CA8: variants seen among roughly 807,000 people sequenced by gnomAD.
The protein encoded by CA8 is carbonic anhydrase 8 (inactive).
A neutral mutation model predicts 41.4 loss-of-function variants in CA8; 22 were observed. The observed-to-expected ratio is 0.53, with a 90% CI of 0.38 to 0.76. The LOEUF (loss-of-function observed/expected upper bound fraction) is 0.76, where lower values mean the gene tolerates loss of function less well. Ranked by LOEUF, CA8 falls within the 30% of genes least tolerant of loss-of-function variation. The pLI is 0.00. For missense variants in CA8, 270 were observed against 352.8 expected (o/e 0.77, Z 1.88); for synonymous variants, 121 against 130.6 (o/e 0.93, Z 0.50).
intron 7 of CA8, among the ~76,000 whole-genome samples, chr8:60,211,154 G>A (rs889236834): frequency 6.6e-6 from 1 of 152,136 alleles, no homozygotes; most frequent in Non-Finnish European, 1.5e-5. Flanking sequence ...AATAATAACA[G>A]TATTCACAAG....
chr8:60,189,561 C>T lies in CA8; in HGVS notation c.*460G>A, dbSNP rs1806054917. ...AGCTCTATGCTGTTCTTAATCAAAA[C>T]TCTTATTTTATTATCAAGAATTACA... is the stretch of plus-strand genomic sequence containing the variant. On this transcript the variant is annotated 3_prime_UTR_variant, in exon 9 of 9. Transcript: ENST00000317995. The T allele has an allele frequency of 6.6e-6, 1 of 152,074 alleles. No homozygotes were observed. The highest frequency in any genetic ancestry group is 6.6e-5 in the Admixed American group (1 of 15,254). 9.4% of individuals were successfully genotyped at this position (152,074 alleles called of 1,614,324 possible).
intron 2 of CA8, among the ~76,000 whole-genome samples, chr8:60,268,194 G>A (rs1028011038): frequency 2.6e-5 from 4 of 152,244 alleles, no homozygotes; most frequent in East Asian, 1.9e-4. Flanking sequence ...TCAGCTCCAC[G>A]TGGCTAAGGA....
chr8:60,279,642 G>A (rs369675880), intron 2 of CA8, 47 bp downstream of exon 2: 5 of 1,499,012 alleles, frequency 3.3e-6, no homozygotes, highest in African/African-American at 1.4e-5. Context: ...ATAACTCTAC[G>A]CTGACTTCTA....
intron 8 of CA8, among the ~76,000 whole-genome samples, chr8:60,200,212 G>A (rs1806383947): frequency 6.6e-6 from 1 of 152,208 alleles, no homozygotes; most frequent in Non-Finnish European, 1.5e-5. Context: ...AAACCTGCTG[G>A]TGCCTTGATC....
At chr8:60,256,065 G>A (rs1285189369) in intron 3 of CA8, among the ~76,000 whole-genome samples, 1 of 151,734 alleles carries the variant, frequency 6.6e-6, no homozygotes, top group African/African-American at 2.4e-5. Flanking sequence ...GTGCCTATAT[G>A]CCCGGCTAAT....
intron 7 of CA8, 28 bp downstream of exon 7, chr8:60,222,621 T>C (rs765144644): frequency 1.5e-6 from 2 of 1,357,812 alleles, no homozygotes; most frequent in Non-Finnish European, 1.1e-6. Flanking sequence ...AGAACTTCAC[T>C]CTGAAAGATT....
chr8:60,192,947 A>ACACACG (rs1806173528), intron 8 of CA8, among the ~76,000 whole-genome samples: 1 of 150,808 alleles, frequency 6.6e-6, no homozygotes, highest in African/African-American at 2.4e-5. Context: ...GCACACACAC[A>ACACACG]CACACACACA....
chr8:60,261,421 T>A (rs1053021328), intron 3 of CA8, among the ~76,000 whole-genome samples: 5 of 152,174 alleles, frequency 3.3e-5, no homozygotes, highest in African/African-American at 1.2e-4. Flanking sequence ...TTTTGGCAAT[T>A]CACTCTTCAA....
At chr8:60,190,925 GCA>G (rs143434754) in intron 8 of CA8, among the ~76,000 whole-genome samples, 2 of 88,850 alleles carry the variant, frequency 2.3e-5, no homozygotes, top group African/African-American at 4.4e-5. Context: ...GGACACACCT[GCA>G]CACACACACA....
intron 7 of CA8, among the ~76,000 whole-genome samples, chr8:60,218,121 C>T (rs1483938820): frequency 6.6e-6 from 1 of 152,176 alleles, no homozygotes; most frequent in African/African-American, 2.4e-5. Flanking sequence ...GGCCTCCCTG[C>T]CAGACACAAG....
intron 3 of CA8, among the ~76,000 whole-genome samples, chr8:60,255,972 G>A (rs1808621857): frequency 6.7e-6 from 1 of 150,114 alleles, no homozygotes; most frequent in Non-Finnish European, 1.5e-5. Flanking sequence ...GCAATGATGC[G>A]ATCTCAGGCC....
At chr8:60,255,635 C>A (rs537154219) in intron 3 of CA8, among the ~76,000 whole-genome samples, 1 of 152,238 alleles carries the variant, frequency 6.6e-6, no homozygotes, top group Admixed American at 6.5e-5. Flanking sequence ...AAGGGTCTAC[C>A]TTTCATTTGT....
At chr8:60,240,729 C>A (rs1807995214) in intron 3 of CA8, among the ~76,000 whole-genome samples, 1 of 110,626 alleles carries the variant, frequency 9.0e-6, no homozygotes, top group South Asian at 2.6e-4. Flanking sequence ...CTTCCTCAGC[C>A]CCCAAAAAAT....
intron 3 of CA8, among the ~76,000 whole-genome samples, chr8:60,255,302 C>T (rs1013439065): frequency 2.0e-5 from 3 of 147,208 alleles, no homozygotes; most frequent in African/African-American, 7.4e-5. Flanking sequence ...ACTCTTCTCT[C>T]GAATTAAGCT....
At chr8:60,219,348 A>C in intron 7 of CA8, among the ~76,000 whole-genome samples, 1 of 151,878 alleles carries the variant, frequency 6.6e-6, no homozygotes, top group Non-Finnish European at 1.5e-5. Flanking sequence ...AGTAGAGATA[A>C]GGTTTCACCA....
chr8:60,208,744 A>T lies in CA8; in HGVS notation c.*35+6T>A. 6.2e-7 allele frequency: 1 copy of T among 1,613,312 alleles called. No homozygotes were observed. Among genetic ancestry groups the T allele is most frequent in the Non-Finnish European group, 8.5e-7 (1 of 1,179,296 alleles). The stretch of plus-strand genomic sequence containing the variant: ...ACCTCATTTTCCTTACTTAATCTGG[A>T]CATACCCTCATGAAGACAGACTTGT... On this transcript the variant is annotated splice_donor_region_variant and intron_variant, in intron 8 of 8. Coordinates refer to ENST00000317995, the MANE Select transcript of CA8 (RefSeq NM_004056.6).
At position 60,279,966 on chromosome 8, in the gene CA8, C is replaced by G. The variant is rs144653268; in HGVS notation, c.101-86G>C. 6.7e-4 allele frequency: 723 copies of G among 1,079,812 alleles called. 3 individuals carry two copies. The East Asian group carries it at 0.015, about 23-fold the overall frequency. The allele number at this position is 1,079,812 out of a possible 1,614,324, so 66.9% of individuals were successfully genotyped here. On this transcript the variant is annotated intron_variant, in intron 1 of 8. Coordinates refer to ENST00000317995, the MANE Select transcript of CA8 (RefSeq NM_004056.6). ...CATGTAAAAACTAAACACTTAGAAC[C>G]CTTGATATCATGAAGAGAGTAATGA... is the stretch of plus-strand genomic sequence containing the variant.
At chr8:60,201,872 A>G (rs902953517) in intron 8 of CA8, among the ~76,000 whole-genome samples, 1 of 152,214 alleles carries the variant, frequency 6.6e-6, no homozygotes, top group Non-Finnish European at 1.5e-5. Flanking sequence ...TGCAACTATA[A>G]TCATCTCCTT....
chr8:60,188,103 A>G lies in CA8; in HGVS notation c.*1918T>C, dbSNP rs568489538. 2 of 152,366 alleles carry G rather than the reference A, an allele frequency of 1.3e-5. No homozygotes were observed. The highest frequency in any genetic ancestry group is 2.9e-5 in the Non-Finnish European group (2 of 68,040). The allele number at this position is 152,366 out of a possible 1,614,324, so 9.4% of individuals were successfully genotyped here. ...ATGGACACCATGATCTGAACCAAGT[A>G]GTTCATTTCAGTCTTTTACTCAGAA... On this transcript the variant is annotated 3_prime_UTR_variant, in exon 9 of 9. Transcript: ENST00000317995.
Sources: allele counts gnomAD v4.1 joint callset (sites outside exome capture counted in the v4.1 genomes callset), GRCh38; gene constraint gnomAD v4.1.1; transcripts MANE v1.5; gene names NCBI Gene and HGNC (gene_info 2026-07-23, HGNC 2026-07-21).